CSMD1: variants seen among roughly 807,000 people sequenced by gnomAD.
The protein encoded by CSMD1 is CUB and sushi domain-containing protein 1.
In CSMD1, 213 loss-of-function variants were observed where a neutral mutation model predicts 417.5. The ratio of observed to expected loss-of-function variants is 0.51; its 90% CI spans 0.46 to 0.57. The LOEUF (loss-of-function observed/expected upper bound fraction) is 0.57. Ranked by LOEUF, CSMD1 falls within the 20% of genes least tolerant of loss-of-function variation. The pLI is 0.00. For missense variants in CSMD1, 6,923 were observed against 4,529.7 expected (o/e 1.53, Z -15.17); for synonymous variants, 2,862 against 1,736.8 (o/e 1.65, Z -16.11).
chr8:3,241,946 A>T (rs1371071330), intron 26 of CSMD1, among the ~76,000 whole-genome samples: 5 of 145,224 alleles, frequency 3.4e-5, no homozygotes, highest in African/African-American at 1.3e-4. Flanking sequence ...ATTGGGTAAT[A>T]AAATGTATAT....
chr8:3,356,962 T>C (rs1418429643), intron 21 of CSMD1, among the ~76,000 whole-genome samples: 1 of 151,576 alleles, frequency 6.6e-6, no homozygotes, highest in African/African-American at 2.4e-5. Context: ...GAGAGCATTC[T>C]GGGAGCTGCG....
intron 5 of CSMD1, among the ~76,000 whole-genome samples, chr8:3,773,054 G>C (rs1026088610): frequency 1.3e-5 from 2 of 152,124 alleles, no homozygotes; most frequent in Admixed American, 1.3e-4. Flanking sequence ...GGGAAGAAGG[G>C]AGCTCTCTGG....
intron 50 of CSMD1, among the ~76,000 whole-genome samples, chr8:3,045,929 G>A (rs566104628): frequency 1.8e-4 from 27 of 152,220 alleles, no homozygotes; most frequent in African/African-American, 6.3e-4. Flanking sequence ...ACAGTAGGGG[G>A]TATAGGGTTA....
intron 3 of CSMD1, among the ~76,000 whole-genome samples, chr8:4,410,533 A>G (rs1367572246): frequency 6.6e-6 from 1 of 152,220 alleles, no homozygotes; most frequent in African/African-American, 2.4e-5. Context: ...AGACTATTAG[A>G]CATCATCCAC....
At chr8:4,256,610 C>G (rs1803470863) in intron 3 of CSMD1, among the ~76,000 whole-genome samples, 1 of 152,132 alleles carries the variant, frequency 6.6e-6, no homozygotes, top group South Asian at 2.1e-4. Flanking sequence ...AGAAAACCAC[C>G]TTGAGAATCA....
At chr8:4,536,989 T>C (rs1156955829) in intron 2 of CSMD1, among the ~76,000 whole-genome samples, 1 of 152,216 alleles carries the variant, frequency 6.6e-6, no homozygotes, top group Non-Finnish European at 1.5e-5. Flanking sequence ...TTCATTTCTC[T>C]TAACATATCA....
chr8:4,107,409 G>C (rs1000530913), intron 3 of CSMD1, among the ~76,000 whole-genome samples: 1 of 152,192 alleles, frequency 6.6e-6, no homozygotes, highest in Admixed American at 6.5e-5. Flanking sequence ...CTCCACAGCA[G>C]AAAATGTCTT....
intron 5 of CSMD1, among the ~76,000 whole-genome samples, chr8:3,818,688 G>A (rs948978377): frequency 3.3e-5 from 5 of 152,118 alleles, no homozygotes; most frequent in South Asian, 2.1e-4. Flanking sequence ...CTGAAGAAAC[G>A]GCAGTCAACA....
chr8:4,144,565 A>T (rs1437153576), intron 3 of CSMD1, among the ~76,000 whole-genome samples: 1 of 151,032 alleles, frequency 6.6e-6, no homozygotes, highest in East Asian at 1.9e-4. Context: ...CCTAATTGTT[A>T]TCTGGATTGC....
chr8:4,917,636 A>G, intron 1 of CSMD1, among the ~76,000 whole-genome samples: 1 of 138,524 alleles, frequency 7.2e-6, no homozygotes. Flanking sequence ...TCCGTCTCAA[A>G]ATAAATAAAT....
chr8:3,661,756 C>G (rs1382189192), intron 7 of CSMD1, among the ~76,000 whole-genome samples: 2 of 152,130 alleles, frequency 1.3e-5, no homozygotes, highest in Non-Finnish European at 2.9e-5. Flanking sequence ...CCTGGCTTCC[C>G]AAAGTGCTGG....
intron 7 of CSMD1, among the ~76,000 whole-genome samples, chr8:3,703,436 T>TTTCA (rs199822463): frequency 0.18 from 26,733 of 149,768 alleles, 2,436 homozygotes; most frequent in African/African-American, 0.21. Context: ...CTTTCTCCCT[T>TTTCA]TTCATTCATT....
intron 49 of CSMD1, among the ~76,000 whole-genome samples, chr8:3,073,355 T>C (rs914299686): frequency 6.6e-6 from 1 of 152,054 alleles, no homozygotes; most frequent in African/African-American, 2.4e-5. Context: ...GAGAAAATAA[T>C]GAAAATAATT....
chr8:4,534,370 G>T (rs531193829), intron 2 of CSMD1, among the ~76,000 whole-genome samples: 2 of 152,300 alleles, frequency 1.3e-5, no homozygotes, highest in South Asian at 2.1e-4. Flanking sequence ...CTCTGCCTTT[G>T]CATGGATGGT....
intron 5 of CSMD1, among the ~76,000 whole-genome samples, chr8:3,837,783 G>GTGGAT (rs1802804891): frequency 7.2e-6 from 1 of 139,246 alleles, no homozygotes; most frequent in Non-Finnish European, 1.7e-5. Flanking sequence ...TGTTTTCTCA[G>GTGGAT]ACTGCACTAT....
intron 26 of CSMD1, among the ~76,000 whole-genome samples, chr8:3,254,498 A>C (rs1319951231): frequency 6.6e-6 from 1 of 152,062 alleles, no homozygotes; most frequent in African/African-American, 2.4e-5. Context: ...TCTCCCTGTC[A>C]CTTTCAGGTA....
intron 7 of CSMD1, among the ~76,000 whole-genome samples, chr8:3,623,121 A>G (rs1341803063): frequency 6.6e-6 from 1 of 152,236 alleles, no homozygotes; most frequent in Non-Finnish European, 1.5e-5. Context: ...ATGCAAGTGG[A>G]TGATCAGATA....
intron 2 of CSMD1, among the ~76,000 whole-genome samples, chr8:4,427,461 G>A (rs1797627944): frequency 1.3e-5 from 2 of 150,204 alleles, no homozygotes; most frequent in South Asian, 4.2e-4. Context: ...AATCAAGCAG[G>A]CAAAGTTCAG....
At position 4,925,870 on chromosome 8, in the gene CSMD1, G is replaced by C. The variant is rs1163760305; in HGVS notation, c.85+68462C>G. 2.0e-5 allele frequency among the ~76,000 whole-genome samples: 3 copies of C among 152,170 alleles called. No individual in the cohort carries two copies. The East Asian group carries it at 5.8e-4, about 30-fold the overall frequency. On this transcript the variant is annotated intron_variant, in intron 1 of 69. Transcript: ENST00000635120. Reference sequence around the variant, plus strand: ...CCTCTATCTGGCATTTTGTAATTGTGAAATGGCATTCTGTCATGCTCAGTA... The same window carrying C: ...CCTCTATCTGGCATTTTGTAATTGTCAAATGGCATTCTGTCATGCTCAGTA...
Sources: allele counts gnomAD v4.1 joint callset (sites outside exome capture counted in the v4.1 genomes callset), GRCh38; gene constraint gnomAD v4.1.1; transcripts MANE v1.5; gene names NCBI Gene and HGNC (gene_info 2026-07-23, HGNC 2026-07-21).